The following NDST4 variants were observed in gnomAD, a reference collection of about 807,000 sequenced individuals.
NDST4 encodes the protein N-deacetylase and N-sulfotransferase 4.
In NDST4, 63 loss-of-function variants were observed where a neutral mutation model predicts 100.8. That is an observed-to-expected ratio of 0.62 (90% CI 0.51 to 0.77). The LOEUF (loss-of-function observed/expected upper bound fraction) is 0.77, where lower values mean the gene tolerates loss of function less well. Among genes scored for constraint, NDST4 ranks in the 30% least tolerant of loss-of-function variants. NDST4 has a pLI of 0.00. For synonymous variants in NDST4, 377 were observed against 361.8 expected, an observed-to-expected ratio of 1.04 and a Z score of -0.48; for missense variants, 943 against 1,018.4, an observed-to-expected ratio of 0.93 and a Z score of 1.01.
At chr4:115,014,205 C>G (rs1031707775) in intron 2 of NDST4, among the ~76,000 whole-genome samples, 2 of 152,016 alleles carry the variant, frequency 1.3e-5, no homozygotes, top group Non-Finnish European at 2.9e-5. Context: ...TTTGCACTAC[C>G]CTGAGTCTCA....
chr4:115,035,872 T>C (rs1425715759), intron 2 of NDST4, among the ~76,000 whole-genome samples: 1 of 152,036 alleles, frequency 6.6e-6, no homozygotes, highest in Non-Finnish European at 1.5e-5. Context: ...TAATTCATTA[T>C]ATGAAAGTCA....
intron 1 of NDST4, among the ~76,000 whole-genome samples, chr4:115,089,707 G>C (rs2126294311): frequency 6.6e-6 from 1 of 151,986 alleles, no homozygotes; most frequent in Non-Finnish European, 1.5e-5. Context: ...CAGTAGATTA[G>C]TAACAATCTT....
chr4:114,942,950 A>G (rs1451764233), intron 4 of NDST4, among the ~76,000 whole-genome samples: 1 of 149,706 alleles, frequency 6.7e-6, no homozygotes. Context: ...CAATTTGTTT[A>G]TATCAGTTTG....
intron 1 of NDST4, among the ~76,000 whole-genome samples, chr4:115,091,707 A>C (rs511497): frequency 6.6e-6 from 1 of 151,974 alleles, no homozygotes; most frequent in South Asian, 2.1e-4. Flanking sequence ...TTTTGTAGCT[A>C]ATTTGAAAGA....
At position 115,106,313 on chromosome 4, in the gene NDST4, A is replaced by T. The variant is rs1341585825; in HGVS notation, c.-247+7131T>A. On this transcript the variant is annotated intron_variant, in intron 1 of 13. Coordinates refer to ENST00000264363, the MANE Select transcript of NDST4 (RefSeq NM_022569.3). ...TGTTAATGCATTCTAAGTTTGTATT[A>T]GCATTGTATTAGTGTCATCAAACTT... is the stretch of plus-strand genomic sequence containing the variant. Among the ~76,000 whole-genome samples, 5 of 152,234 alleles carry T rather than the reference A, an allele frequency of 3.3e-5. No individual in the cohort carries two copies. In the East Asian group the frequency reaches 9.7e-4, roughly 29 times the overall value.
chr4:114,974,679 T>G (rs1726590391), intron 3 of NDST4, among the ~76,000 whole-genome samples: 1 of 152,152 alleles, frequency 6.6e-6, no homozygotes, highest in Admixed American at 6.6e-5. Context: ...CCATTTAACC[T>G]GCACTACGTC....
chr4:114,980,982 C>T (rs1056666728), intron 2 of NDST4, among the ~76,000 whole-genome samples: 1 of 151,886 alleles, frequency 6.6e-6, no homozygotes, highest in African/African-American at 2.4e-5. Flanking sequence ...GGAAGCTGAG[C>T]TGGGAGGATT....
chr4:115,053,007 C>G (rs1194842971), intron 2 of NDST4, among the ~76,000 whole-genome samples: 1 of 151,984 alleles, frequency 6.6e-6, no homozygotes, highest in Non-Finnish European at 1.5e-5. Context: ...TTATTTATTC[C>G]TCGAACAAAA....
At chr4:115,093,343 C>G (rs1044835711) in intron 1 of NDST4, among the ~76,000 whole-genome samples, 1 of 151,820 alleles carries the variant, frequency 6.6e-6, no homozygotes, top group South Asian at 2.1e-4. Flanking sequence ...GGCGTGGTGG[C>G]GGGTGCCTGT....
At chr4:114,829,267 C>T (rs144178704) in intron 13 of NDST4, among the ~76,000 whole-genome samples, 49 of 151,336 alleles carry the variant, frequency 3.2e-4, no homozygotes, top group East Asian at 2.7e-3. Flanking sequence ...ATTTTCCTGC[C>T]GTTTTCTGGT....
chr4:115,058,441 G>A (rs1728748440), intron 2 of NDST4, among the ~76,000 whole-genome samples: 1 of 152,066 alleles, frequency 6.6e-6, no homozygotes, highest in South Asian at 2.1e-4. Flanking sequence ...TATATTGACT[G>A]CTTTTTAAGT....
rs1218840726 is a variant in NDST4, at chr4:114,986,793, C to CATATGTATATATAT, written c.979-9520_979-9519insATATATATACATAT. ...CCTCTAAGCCTGGTATCCAATTATA[C>CATATGTATATATAT]ATATATATATATATATATATATATA... On this transcript the variant is annotated intron_variant, in intron 2 of 13. Coordinates refer to ENST00000264363, the MANE Select transcript of NDST4 (RefSeq NM_022569.3). Among the ~76,000 whole-genome samples, 124 of 91,126 alleles carry CATATGTATATATAT rather than the reference C, an allele frequency of 1.4e-3. 3 individuals are homozygous for CATATGTATATATAT. The highest frequency in any genetic ancestry group is 5.4e-3 in the African/African-American group (120 of 22,100). 59.8% of individuals were successfully genotyped at this position (91,126 alleles called of 152,430 possible).
chr4:114,959,740 A>C (rs1726218595), intron 4 of NDST4, among the ~76,000 whole-genome samples: 1 of 152,214 alleles, frequency 6.6e-6, no homozygotes, highest in South Asian at 2.1e-4. Flanking sequence ...CAACTAAAGA[A>C]TAAAGAGGAA....
chr4:114,873,508 A>G (rs1724193912), intron 6 of NDST4, among the ~76,000 whole-genome samples: 1 of 151,882 alleles, frequency 6.6e-6, no homozygotes, highest in South Asian at 2.1e-4. Flanking sequence ...TTAAATTTCT[A>G]CCTAGATACA....
chr4:114,877,993 T>A (rs1290022739), intron 6 of NDST4, among the ~76,000 whole-genome samples: 202 of 115,120 alleles, frequency 1.8e-3, no homozygotes, highest in South Asian at 3.1e-3. Flanking sequence ...ATGGAAGAAA[T>A]AAAGAAAGAA....
chr4:115,013,221 T>A (rs528549293), intron 2 of NDST4, among the ~76,000 whole-genome samples: 1 of 150,922 alleles, frequency 6.6e-6, no homozygotes, highest in Non-Finnish European at 1.5e-5. Flanking sequence ...ATTGGAATGT[T>A]TATAACACAA....
chr4:115,089,158 A>G (rs1235403012), intron 1 of NDST4, among the ~76,000 whole-genome samples: 2 of 151,982 alleles, frequency 1.3e-5, no homozygotes, highest in Non-Finnish European at 2.9e-5. Context: ...TTCTCCAGAC[A>G]CTTGTTGGGA....
intron 6 of NDST4, among the ~76,000 whole-genome samples, chr4:114,881,760 T>G (rs72899253): frequency 0.069 from 10,551 of 152,136 alleles, 415 homozygotes; most frequent in African/African-American, 0.098. Context: ...AAGATAGGAA[T>G]TGAAATGATT....
At chr4:115,080,368 C>T (rs1178993458) in intron 1 of NDST4, among the ~76,000 whole-genome samples, 1 of 152,140 alleles carries the variant, frequency 6.6e-6, no homozygotes, top group Non-Finnish European at 1.5e-5. Flanking sequence ...AACTCCTGAC[C>T]TCAGGTGATC....
Sources: gnomAD v4.1 joint callset for allele counts (sites outside exome capture counted in the v4.1 genomes callset) on GRCh38, gnomAD v4.1.1 for gene constraint, MANE v1.5 for transcripts, NCBI Gene and HGNC (gene_info 2026-07-23, HGNC 2026-07-21) for gene names.